The following SRM variants were observed in gnomAD, a reference collection of about 807,000 sequenced individuals.
SRM encodes putrescine aminopropyltransferase.
In SRM, 14 loss-of-function variants were observed where a neutral mutation model predicts 39.3. That is an observed-to-expected ratio of 0.36 (90% CI 0.24 to 0.56). The LOEUF is 0.56. Among genes scored for constraint, SRM ranks in the 20% least tolerant of loss-of-function variants. The probability of loss-of-function intolerance (pLI) is 0.86; values close to 1 mark genes in which losing one functional copy is unlikely to be tolerated. For synonymous variants in SRM, 195 were observed against 173.1 expected, an observed-to-expected ratio of 1.13 and a Z score of -0.99; for missense variants, 244 against 409.2, an observed-to-expected ratio of 0.60 and a Z score of 3.48.
intron 1 of SRM, 57 bp from the exon 2 acceptor site, chr1:11,059,402 C>G (rs1173610133): frequency 6.2e-7 from 1 of 1,601,478 alleles, no homozygotes; most frequent in Non-Finnish European, 8.5e-7. Flanking sequence ...AAAACGTACC[C>G]CAAGCCGCCC....
rs1405184885 is a variant in SRM, at chr1:11,054,959, C to T, written c.888+3G>A. 3 of 1,612,128 alleles carry T rather than the reference C, an allele frequency of 1.9e-6. No individual in the cohort carries two copies. The highest frequency in any genetic ancestry group is 2.5e-6 in the Non-Finnish European group (3 of 1,179,874). On this transcript the variant is annotated splice_donor_region_variant and intron_variant, in intron 7 of 7. Coordinates refer to ENST00000376957, the MANE Select transcript of SRM (RefSeq NM_003132.3). The surrounding 1 kb of genome is among the most constrained non-coding windows in gnomAD (Gnocchi z 4.8). ...CCACCACCCAGCCCCGCAGGCCACC[C>T]ACCTTGCGGGCAAACTCGGGCAGCA...
At position 11,055,448 on chromosome 1, in the gene SRM, T is replaced by G. The variant is rs2100919904; in HGVS notation, c.765+333A>C. ...TTTTTTTTTTGAGTCGGAATCTTCC[T>G]CTGTTACCCAGGCTGGAATGTAGTG... On this transcript the variant is annotated intron_variant, in intron 6 of 7. Transcript: ENST00000376957. Among the ~76,000 whole-genome samples, 6 of 144,520 alleles carry G rather than the reference T, an allele frequency of 4.2e-5. No homozygotes were observed. The Middle Eastern group carries it at 0.011, about 272-fold the overall frequency. The allele number at this position is 144,520 out of a possible 152,430, so 94.8% of individuals were successfully genotyped here. A position where few individuals can be genotyped will look rare whatever the true frequency, so the allele number is the denominator to read the frequency against.
At chr1:11,056,801 G>A (rs1638886312) in intron 3 of SRM, 44 bp from the exon 4 acceptor site, 1 of 1,609,166 alleles carries the variant, frequency 6.2e-7, no homozygotes, top group Non-Finnish European at 8.5e-7. Flanking sequence ...GGGGCTGGGG[G>A]ACCTGGAGCC....
In SRM at chr1:11,059,126, C is replaced by T. The variant is rs1638931530; in HGVS notation, c.288+99G>A. 1.9e-6 allele frequency: 3 copies of T among 1,583,722 alleles called. No individual in the cohort carries two copies. The South Asian group carries it at 3.4e-5, about 18-fold the overall frequency. ...CGCGGGACGCCCCTGGCCTCGCTAG[C>T]ACTTTCTCTGACAACCATGCAGGCA... On this transcript the variant is annotated intron_variant, in intron 2 of 7. Transcript: ENST00000376957.
chr1:11,055,763 C>A lies in SRM; in HGVS notation c.765+18G>T, dbSNP rs925131903. ...CCACCTTCCCCCCAACCCCCACCCCCAGACACCCCCATCTCACCGGGTTCT... is the reference window on the plus strand; with the variant it reads ...CCACCTTCCCCCCAACCCCCACCCCAAGACACCCCCATCTCACCGGGTTCT... On this transcript the variant is annotated intron_variant, in intron 6 of 7. Coordinates refer to ENST00000376957, the MANE Select transcript of SRM (RefSeq NM_003132.3). 3.2e-5 allele frequency: 49 copies of A among 1,534,056 alleles called. No homozygotes were observed. Among genetic ancestry groups the A allele is most frequent in the Non-Finnish European group, 4.1e-5 (46 of 1,134,584 alleles).
intron 3 of SRM, chr1:11,058,594 T>G: frequency 2.2e-6 from 1 of 449,056 alleles, no homozygotes; most frequent in South Asian, 4.8e-5. Context: ...TCAGCTCAGT[T>G]TTAGTAAGAG....
chr1:11,056,793 G>T, intron 3 of SRM, 36 bp from the exon 4 acceptor site: 1 of 1,612,132 alleles, frequency 6.2e-7, no homozygotes, highest in Non-Finnish European at 8.5e-7. Context: ...TGGGCCAAGG[G>T]GCTGGGGGAC....
At position 11,054,642 on chromosome 1, in the gene SRM, T is replaced by G; in HGVS notation, c.*223A>C. On this transcript the variant is annotated 3_prime_UTR_variant, in exon 8 of 8. Coordinates refer to ENST00000376957, the MANE Select transcript of SRM (RefSeq NM_003132.3). This position sits in a 1 kb window ranked among gnomAD's most constrained non-coding sequence, Gnocchi z 4.8. Reference sequence around the variant, plus strand: ...TGAGGGGCAACAGAAGGCAGAGAGATGGCGCTGTACACAGCTGGTATAGGC... The same window carrying G: ...TGAGGGGCAACAGAAGGCAGAGAGAGGGCGCTGTACACAGCTGGTATAGGC... 1.7e-6 allele frequency: 1 copy of G among 591,554 alleles called. No homozygotes were observed. 36.6% of individuals were successfully genotyped at this position (591,554 alleles called of 1,614,324 possible).
In SRM at chr1:11,057,459, A is replaced by ATT. The variant is rs1182428886; in HGVS notation, c.382-704_382-703dup. On this transcript the variant is annotated intron_variant, in intron 3 of 7. Transcript: ENST00000376957. ...CAGGCGCACGCCACCAAGCTGGGCC[A>ATT]TTTTTTTTTTTTTTTTTTTATTTTT... Among the ~76,000 whole-genome samples, 37 of 118,720 alleles carry ATT rather than the reference A, an allele frequency of 3.1e-4. 4 individuals carry two copies. The highest frequency in any genetic ancestry group is 5.0e-4 in the East Asian group (2 of 4,034). The allele number at this position is 118,720 out of a possible 152,430, so 77.9% of individuals were successfully genotyped here.
Position 11,059,898 on chromosome 1 carries a change from TGGC to T in SRM, c.43_45del (p.Ala15del). 7.0e-7 allele frequency: 1 copy of T among 1,430,286 alleles called. No individual in the cohort carries two copies. The highest frequency in any genetic ancestry group is 9.2e-7 in the Non-Finnish European group (1 of 1,091,832). 88.6% of individuals were successfully genotyped at this position (1,430,286 alleles called of 1,614,324 possible). A position where few individuals can be genotyped will look rare whatever the true frequency, so the allele number is the denominator to read the frequency against. On this transcript the variant is annotated inframe_deletion, in exon 1 of 8. Coordinates refer to ENST00000376957, the MANE Select transcript of SRM (RefSeq NM_003132.3). The stretch of plus-strand genomic sequence containing the variant: ...GTCTCGCGGAACCAGCCCTCGCGGA[TGGC>T]GGCGGGGCCGGAGGCGGCGGGGCCG...
At chr1:11,056,212 C>T in intron 4 of SRM, 118 bp from the exon 5 acceptor site, 2 of 923,224 alleles carry the variant, frequency 2.2e-6, no homozygotes, top group Non-Finnish European at 3.2e-6. Flanking sequence ...TGTGGGGGAT[C>T]CACACCTGAA....
chr1:11,056,934 G>A (rs1638889227), intron 3 of SRM, among the ~76,000 whole-genome samples, 177 bp from the exon 4 acceptor site: 1 of 152,082 alleles, frequency 6.6e-6, no homozygotes, highest in Non-Finnish European at 1.5e-5. Context: ...CTGGAGTGCA[G>A]TGGCATCGAT....
chr1:11,057,737 CCT>C (rs1222205107), intron 3 of SRM, among the ~76,000 whole-genome samples: 13 of 151,786 alleles, frequency 8.6e-5, no homozygotes, highest in African/African-American at 2.7e-4. Context: ...TCCCCCAGCC[CCT>C]GTCTTGCCTT....
intron 3 of SRM, among the ~76,000 whole-genome samples, chr1:11,057,636 G>A (rs903074628): frequency 7.5e-6 from 1 of 134,004 alleles, no homozygotes; most frequent in Non-Finnish European, 1.5e-5. Context: ...ACGGCCACCT[G>A]CTTTTCACTG....
Position 11,059,843 on chromosome 1 carries a change from G to T in SRM, c.101C>A (p.Ser34Ter). 6.4e-7 allele frequency: 1 copy of T among 1,568,086 alleles called. No homozygotes were observed. Among genetic ancestry groups the T allele is most frequent in the Non-Finnish European group, 8.6e-7 (1 of 1,167,252 alleles). The change falls in exon 1 of 8, where the codon TCA (serine) becomes TAA (stop). Residue 34 changes from serine to a stop codon, truncating the protein, a stop_gained. Transcript: ENST00000376957. LOFTEE classifies it high-confidence loss of function. ...GTGGAGCAGCTGCTCCACCTGCAGTGACAGGGCCTGGCCGGGCCACAGGCT... is the reference window on the plus strand; with the variant it reads ...GTGGAGCAGCTGCTCCACCTGCAGTTACAGGGCCTGGCCGGGCCACAGGCT... ...TCSLWPGQAL[S>*]LQVEQLLHHR...
intron 1 of SRM, 85 bp from the exon 2 acceptor site, chr1:11,059,430 C>T: frequency 6.3e-7 from 1 of 1,579,820 alleles, no homozygotes; most frequent in Non-Finnish European, 8.6e-7. Flanking sequence ...GGAGGGTCTC[C>T]CCATCCCGCC....
At position 11,059,910 on chromosome 1, in the gene SRM, C is replaced by G. The variant is rs768958464; in HGVS notation, c.34G>C (p.Gly12Arg). The change falls in exon 1 of 8, where the codon GGC (glycine) becomes CGC (arginine). Residue 12 changes from glycine to arginine, a missense_variant. Physicochemically the swap from Gly to Arg is moderately radical, Grantham distance 125 (BLOSUM62 -2). Transcript: ENST00000376957. The part of the protein sequence containing the change: ...EPGPDGPAAS[G>R]PAAIREGWFR... ...CAGCCCTCGCGGATGGCGGCGGGGC[C>G]GGAGGCGGCGGGGCCGTCGGGGCCG... 4 of 1,371,518 alleles carry G rather than the reference C, an allele frequency of 2.9e-6. No individual in the cohort carries two copies. The highest frequency in any genetic ancestry group is 3.1e-5 in the Admixed American group (1 of 32,670). 85.0% of individuals were successfully genotyped at this position (1,371,518 alleles called of 1,614,324 possible).
At chr1:11,055,989 G>A (rs760543993) in intron 5 of SRM, 22 bp downstream of exon 5, 6 of 1,436,786 alleles carry the variant, frequency 4.2e-6, no homozygotes, top group Non-Finnish European at 5.8e-6. Flanking sequence ...CCCCGCCCCA[G>A]TGCTCCAGGC....
At chr1:11,059,644 G>A in intron 1 of SRM, 133 bp downstream of exon 1, 2 of 1,113,826 alleles carry the variant, frequency 1.8e-6, no homozygotes, top group Non-Finnish European at 2.5e-6. Context: ...GAGGCGGTGT[G>A]AGGGGTGGCG....
Sources: gnomAD v4.1 joint callset for allele counts (sites outside exome capture counted in the v4.1 genomes callset) on GRCh38, gnomAD v4.1.1 for gene constraint, Gnocchi (gnomAD v3.1) non-coding constraint, MANE v1.5 for transcripts, NCBI Gene and HGNC (gene_info 2026-07-23, HGNC 2026-07-21) for gene names.